The following FNTA variants were observed in gnomAD, a reference collection of about 807,000 sequenced individuals.
FNTA encodes the protein farnesyltransferase, CAAX box, subunit alpha.
FNTA carries 27 observed loss-of-function variants against 55.2 expected under a neutral mutation model. The ratio of observed to expected loss-of-function variants is 0.49; its 90% confidence interval spans 0.36 to 0.67. FNTA has a LOEUF of 0.67. FNTA is among the 30% of genes least tolerant of loss of function. The probability of loss-of-function intolerance (pLI) is 0.00; values close to 1 mark genes in which losing one functional copy is unlikely to be tolerated. For synonymous variants in FNTA, 176 were observed against 170.7 expected (o/e 1.03, Z -0.24); for missense variants, 422 against 464.7 (o/e 0.91, Z 0.85).
chr8:43,083,300 C>G, intron 7 of FNTA, 120 bp downstream of exon 7: 2 of 612,482 alleles, frequency 3.3e-6, no homozygotes, highest in South Asian at 5.0e-5. Context: ...TTTTTCTGAA[C>G]CTAAGAGCAG....
intron 2 of FNTA, among the ~76,000 whole-genome samples, chr8:43,062,321 G>A (rs1484405522): frequency 6.6e-6 from 1 of 151,402 alleles, no homozygotes; most frequent in Non-Finnish European, 1.5e-5. Flanking sequence ...CGCTCTTGTT[G>A]CACAGGCTGG....
intron 3 of FNTA, among the ~76,000 whole-genome samples, chr8:43,067,229 A>G (rs1380027453): frequency 1.3e-5 from 2 of 152,158 alleles, no homozygotes; most frequent in Non-Finnish European, 1.5e-5. Flanking sequence ...GACTCTTTAT[A>G]TAGACTTTCC....
intron 2 of FNTA, among the ~76,000 whole-genome samples, chr8:43,059,677 G>A (rs1810487997): frequency 2.0e-5 from 3 of 152,094 alleles, no homozygotes; most frequent in Admixed American, 6.6e-5. Context: ...ATTGAAGGTC[G>A]TGGAAATGTT....
intron 2 of FNTA, among the ~76,000 whole-genome samples, chr8:43,060,936 A>G (rs1408719201): frequency 6.6e-6 from 1 of 152,198 alleles, no homozygotes; most frequent in Admixed American, 6.5e-5. Context: ...CAAAAAATGG[A>G]CAAAGGGTAT....
At chr8:43,070,574 ATTGCT>A (rs920186447) in intron 4 of FNTA, among the ~76,000 whole-genome samples, 5 of 152,278 alleles carry the variant, frequency 3.3e-5, no homozygotes, top group Admixed American at 2.6e-4. Context: ...CTAAAGAGAA[ATTGCT>A]TTTCTTTTCT....
chr8:43,059,798 C>G (rs901094986), intron 2 of FNTA, among the ~76,000 whole-genome samples: 8 of 36,702 alleles, frequency 2.2e-4, no homozygotes, highest in African/African-American at 4.2e-4. Context: ...CATTCTTTTA[C>G]AAAAGCATTT....
At chr8:43,072,400 C>A in intron 5 of FNTA, 93 bp downstream of exon 5, 1 of 888,438 alleles carries the variant, frequency 1.1e-6, no homozygotes, top group Non-Finnish European at 1.6e-6. Flanking sequence ...CCAAAACACA[C>A]ACATACGTAG....
chr8:43,059,251 C>G, intron 2 of FNTA, 74 bp downstream of exon 2: 2 of 978,888 alleles, frequency 2.0e-6, no homozygotes, highest in South Asian at 3.2e-5. Flanking sequence ...AACTATGTAG[C>G]AAGATAGATG....
chr8:43,071,628 C>T (rs1454578277), intron 4 of FNTA, among the ~76,000 whole-genome samples: 2 of 150,884 alleles, frequency 1.3e-5, no homozygotes, highest in Admixed American at 6.6e-5. Flanking sequence ...GCTGAGATTG[C>T]GCCATTGCAC....
In FNTA at chr8:43,075,161, A is replaced by C. The variant is rs536639612; in HGVS notation, c.634-2055A>C. On this transcript the variant is annotated intron_variant, in intron 5 of 8. Transcript: ENST00000302279. ...GACTCTACAGACATTAAATTGTTAC[A>C]TTGATACAAAAGCTTGTAGGTGTTT... is the stretch of plus-strand genomic sequence containing the variant. 5.9e-5 allele frequency among the ~76,000 whole-genome samples: 9 copies of C among 152,308 alleles called. 1 individual carries two copies. The South Asian group carries it at 1.2e-3, about 21-fold the overall frequency.
chr8:43,084,431 A>G (rs1811086565), intron 7 of FNTA, among the ~76,000 whole-genome samples: 1 of 152,000 alleles, frequency 6.6e-6, no homozygotes, highest in African/African-American at 2.4e-5. Flanking sequence ...TATTTTACCC[A>G]GGCTGGTCTT....
chr8:43,082,128 C>T (rs1480898019), intron 6 of FNTA: 2 of 151,980 alleles, frequency 1.3e-5, no homozygotes, highest in Non-Finnish European at 2.9e-5. Flanking sequence ...CCAAGACTAC[C>T]AAGCTTTAGT....
chr8:43,083,507 G>C (rs1811064771), intron 7 of FNTA, among the ~76,000 whole-genome samples: 1 of 152,120 alleles, frequency 6.6e-6, no homozygotes, highest in Non-Finnish European at 1.5e-5. Flanking sequence ...ACACAGTAAA[G>C]CGGGGTAGTT....
chr8:43,072,493 A>C (rs932544347), intron 5 of FNTA, among the ~76,000 whole-genome samples, 186 bp downstream of exon 5: 3 of 152,192 alleles, frequency 2.0e-5, no homozygotes, highest in Non-Finnish European at 4.4e-5. Flanking sequence ...TGGGAGGCCA[A>C]GGCAGGAGGA....
chr8:43,069,651 T>C lies in FNTA; in HGVS notation c.498T>C (p.Tyr166=), dbSNP rs760863217. 5.0e-6 allele frequency: 8 copies of C among 1,608,072 alleles called. No homozygotes were observed. In the East Asian group the frequency reaches 8.9e-5, roughly 18 times the overall value. The part of the protein sequence containing the change: ...TAIIEEQPKN[Y]QVWHHRRVLV... The stretch of plus-strand genomic sequence containing the variant: ...TAATTGAGGAGCAGCCCAAAAACTA[T>C]CAAGTTTGGTAAGTTTGGAGTCTAG... The change falls in exon 4 of 9, where the codon TAT becomes TAC. Residue 166 remains tyrosine (Y), a synonymous_variant. Transcript: ENST00000302279.
chr8:43,060,749 A>T (rs2130542045), intron 2 of FNTA, among the ~76,000 whole-genome samples: 1 of 152,274 alleles, frequency 6.6e-6, no homozygotes, highest in East Asian at 1.9e-4. Context: ...GGAAAAGATA[A>T]GTTTGACCTG....
At chr8:43,066,616 A>G (rs1810666782) in intron 3 of FNTA, among the ~76,000 whole-genome samples, 2 of 84,068 alleles carry the variant, frequency 2.4e-5, no homozygotes, top group Admixed American at 1.1e-4. Flanking sequence ...GTGTGTGTTT[A>G]ATTTCATGGA....
At chr8:43,078,850 G>A (rs1037136328) in intron 6 of FNTA, 2 of 152,262 alleles carry the variant, frequency 1.3e-5, no homozygotes, top group Admixed American at 1.3e-4. Flanking sequence ...ATAAGAAAGA[G>A]TTCTTGAAGG....
In FNTA at chr8:43,063,380, C is replaced by T. The variant is rs117783996; in HGVS notation, c.287-721C>T. On this transcript the variant is annotated intron_variant, in intron 2 of 8. Coordinates refer to ENST00000302279, the MANE Select transcript of FNTA (RefSeq NM_002027.3). ...TAATCCAATGCTCCCAATAAATATC[C>T]TTGAATACTTGCACACATATGGGAG... The T allele has an allele frequency of 9.1e-3, 4,132 of 453,036 alleles. 37 individuals carry two copies. The highest frequency in any genetic ancestry group is 0.014 in the Non-Finnish European group (3,174 of 226,142). The allele number at this position is 453,036 out of a possible 1,614,324, so 28.1% of individuals were successfully genotyped here.
Sources: allele counts gnomAD v4.1 joint callset (sites outside exome capture counted in the v4.1 genomes callset), GRCh38; gene constraint gnomAD v4.1.1; transcripts MANE v1.5; gene names NCBI Gene and HGNC (gene_info 2026-07-23, HGNC 2026-07-21).